The following KCNH8 variants were observed in gnomAD, a reference collection of about 807,000 sequenced individuals.
KCNH8 encodes voltage-gated delayed rectifier potassium channel KCNH8.
Under a neutral mutation model 103.6 loss-of-function variants are expected in KCNH8, and 70 were observed. That is an observed-to-expected ratio of 0.68 (90% CI 0.56 to 0.82). KCNH8 has a LOEUF of 0.82. Among genes scored for constraint, KCNH8 ranks in the 40% least tolerant of loss-of-function variants. The pLI is 0.00. For synonymous variants in KCNH8, 498 were observed against 489.4 expected (o/e 1.02, Z -0.23); for missense variants, 1,217 against 1,329.9 (o/e 0.92, Z 1.32).
chr3:19,355,949 GTTTA>G (rs2065876690), intron 5 of KCNH8, among the ~76,000 whole-genome samples: 2 of 151,358 alleles, frequency 1.3e-5, no homozygotes, highest in Admixed American at 1.3e-4. Flanking sequence ...TTAACATACT[GTTTA>G]TTTTCTATTT....
chr3:19,258,947 C>CTCTCTCTCTATATA (rs1321918245), intron 2 of KCNH8, among the ~76,000 whole-genome samples: 14 of 24,802 alleles, frequency 5.6e-4, no homozygotes, highest in Non-Finnish European at 7.2e-4. Flanking sequence ...CTCTCTCTCT[C>CTCTCTCTCTATATA]TATATATATA....
intron 5 of KCNH8, among the ~76,000 whole-genome samples, chr3:19,373,297 T>C (rs993344632): frequency 2.0e-5 from 3 of 152,170 alleles, no homozygotes; most frequent in Non-Finnish European, 2.9e-5. Context: ...GATCCTGTTA[T>C]TGGTCTATTC....
intron 1 of KCNH8, 72 bp from the exon 2 acceptor site, chr3:19,253,582 T>C: frequency 2.5e-6 from 3 of 1,204,120 alleles, no homozygotes; most frequent in Non-Finnish European, 3.7e-6. Context: ...ATGCTGATAA[T>C]TTATACAGGA....
intron 11 of KCNH8, among the ~76,000 whole-genome samples, chr3:19,490,344 C>T (rs1223680072): frequency 2.6e-5 from 4 of 152,186 alleles, no homozygotes; most frequent in Non-Finnish European, 5.9e-5. Context: ...CCGAGCTCCC[C>T]GAGTGAGCAA....
In KCNH8 at chr3:19,535,183, C is replaced by G. The variant is rs2069244810; in HGVS notation, c.*1084C>G. 1 of 152,122 alleles carries G rather than the reference C, an allele frequency of 6.6e-6. No individual in the cohort carries two copies. Among genetic ancestry groups the G allele is most frequent in the Non-Finnish European group, 1.5e-5 (1 of 68,026 alleles). The allele number at this position is 152,122 out of a possible 1,614,324, so 9.4% of individuals were successfully genotyped here. The stretch of plus-strand genomic sequence containing the variant: ...GGAGAAAACCTGGGTGTGTCCTTTC[C>G]CAGTGCTTTTCTTTTACAAGAGGTA... On this transcript the variant is annotated 3_prime_UTR_variant, in exon 16 of 16. Coordinates refer to ENST00000328405, the MANE Select transcript of KCNH8 (RefSeq NM_144633.3).
intron 1 of KCNH8, among the ~76,000 whole-genome samples, chr3:19,247,304 C>G (rs2064218990): frequency 6.6e-6 from 1 of 152,140 alleles, no homozygotes; most frequent in South Asian, 2.1e-4. Context: ...AATAAAGATG[C>G]TATCATACTT....
intron 15 of KCNH8, 138 bp downstream of exon 15, chr3:19,518,212 C>T (rs1387286426): frequency 6.4e-6 from 4 of 621,138 alleles, no homozygotes; most frequent in Admixed American, 2.9e-5. Flanking sequence ...TCTGCTCTGC[C>T]TCATGTAAGT....
intron 5 of KCNH8, among the ~76,000 whole-genome samples, chr3:19,370,399 T>C (rs1439617126): frequency 6.6e-6 from 1 of 152,070 alleles, no homozygotes; most frequent in Non-Finnish European, 1.5e-5. Flanking sequence ...TTTAATTAAG[T>C]GAAAATTGGA....
At chr3:19,181,929 T>G (rs558053361) in intron 1 of KCNH8, among the ~76,000 whole-genome samples, 9 of 152,238 alleles carry the variant, frequency 5.9e-5, no homozygotes, top group African/African-American at 1.4e-4. Flanking sequence ...CAAACACATA[T>G]AATACTAACA....
At chr3:19,304,115 C>G (rs2065098569) in intron 3 of KCNH8, among the ~76,000 whole-genome samples, 1 of 152,280 alleles carries the variant, frequency 6.6e-6, no homozygotes, top group African/African-American at 2.4e-5. Flanking sequence ...TCCTATAATT[C>G]TAGCAGCCAA....
intron 3 of KCNH8, among the ~76,000 whole-genome samples, chr3:19,321,494 G>A (rs528082272): frequency 8.6e-5 from 13 of 151,352 alleles, no homozygotes; most frequent in African/African-American, 2.9e-4. Context: ...TGGTTTTGAG[G>A]GTTCCTATTG....
In KCNH8 at chr3:19,438,355, A is replaced by G. The variant is rs2067231528; in HGVS notation, c.1369A>G (p.Ile457Val). 4 of 1,613,210 alleles carry G rather than the reference A, an allele frequency of 2.5e-6. No homozygotes were observed. The highest frequency in any genetic ancestry group is 3.4e-6 in the Non-Finnish European group (4 of 1,179,588). The part of the protein sequence containing the change: ...EKIFSICTML[I>V]GALMHALVFG... Reference sequence around the variant, plus strand: ...GATCTTCTCCATCTGCACCATGCTGATTGGTGGTAAGAGAGCATCTTCTTT... The same window carrying G: ...GATCTTCTCCATCTGCACCATGCTGGTTGGTGGTAAGAGAGCATCTTCTTT... The change falls in exon 8 of 16, where the codon ATT becomes GTT. Residue 457 changes from isoleucine (I) to valine (V), a missense_variant. This residue lies in a region of KCNH8 where 415 missense variants were observed against 577.4 expected (regional missense o/e 0.72). Transcript: ENST00000328405.
At chr3:19,217,157 A>C (rs192066071) in intron 1 of KCNH8, among the ~76,000 whole-genome samples, 6 of 152,288 alleles carry the variant, frequency 3.9e-5, no homozygotes, top group Non-Finnish European at 8.8e-5. Flanking sequence ...ACTGATCATC[A>C]CTGCTAATTC....
intron 7 of KCNH8, among the ~76,000 whole-genome samples, chr3:19,407,168 T>A (rs1426491610): frequency 6.6e-6 from 1 of 152,214 alleles, no homozygotes; most frequent in East Asian, 1.9e-4. Context: ...TAGTATTTTT[T>A]AATTTACAGC....
intron 11 of KCNH8, among the ~76,000 whole-genome samples, chr3:19,475,304 AG>A (rs1312554251): frequency 6.7e-6 from 1 of 148,798 alleles, no homozygotes; most frequent in Non-Finnish European, 1.5e-5. Context: ...AACTAAATTA[AG>A]TAGTTCTGTC....
At chr3:19,367,292 A>G (rs2066024930) in intron 5 of KCNH8, among the ~76,000 whole-genome samples, 1 of 151,220 alleles carries the variant, frequency 6.6e-6, no homozygotes, top group African/African-American at 2.4e-5. Flanking sequence ...CCCGATTACC[A>G]TGAGTCTGGG....
chr3:19,411,694 T>C (rs2066781592), intron 7 of KCNH8, among the ~76,000 whole-genome samples: 1 of 151,762 alleles, frequency 6.6e-6, no homozygotes, highest in Admixed American at 6.6e-5. Flanking sequence ...CAAAAATCAG[T>C]AGTGTGCCTA....
At chr3:19,408,035 A>T (rs2066721451) in intron 7 of KCNH8, among the ~76,000 whole-genome samples, 1 of 152,026 alleles carries the variant, frequency 6.6e-6, no homozygotes, top group South Asian at 2.1e-4. Context: ...GTGAGCAGAG[A>T]GTTCAGACCA....
chr3:19,198,578 T>C (rs1559418722), intron 1 of KCNH8, among the ~76,000 whole-genome samples: 1 of 152,122 alleles, frequency 6.6e-6, no homozygotes, highest in African/African-American at 2.4e-5. Flanking sequence ...CAGACTATTG[T>C]GATTCTGTTT....
Sources: gnomAD v4.1 joint callset for allele counts (sites outside exome capture counted in the v4.1 genomes callset) on GRCh38, gnomAD v4.1.1 for gene constraint, gnomAD v4.1.1 regional missense constraint, MANE v1.5 for transcripts, NCBI Gene and HGNC (gene_info 2026-07-23, HGNC 2026-07-21) for gene names.